The following LCE5A variants were observed in gnomAD, a reference collection of about 807,000 sequenced individuals.
LCE5A encodes late cornified envelope protein 5A.
For synonymous variants in LCE5A, 51 were observed against 54.2 expected, an observed-to-expected ratio of 0.94 and a Z score of 0.26; for missense variants, 139 against 147.2, an observed-to-expected ratio of 0.94 and a Z score of 0.29.
At position 152,511,531 on chromosome 1, in the gene LCE5A, A is replaced by C. The variant is rs534316614; in HGVS notation, c.-4A>C. The C allele has an allele frequency of 6.2e-7, 1 of 1,613,318 alleles. No homozygotes were observed. The highest frequency in any genetic ancestry group is 1.1e-5 in the South Asian group (1 of 91,080). ...TCTTTCAGCTTTATTCAGCTTCTAC[A>C]GAGATGTCCTGCCAGCAGAGCCAGC... On this transcript the variant is annotated 5_prime_UTR_variant, in exon 2 of 2. Coordinates refer to ENST00000334269, the MANE Select transcript of LCE5A (RefSeq NM_178438.5).
In LCE5A at chr1:152,511,656, C is replaced by A; in HGVS notation, c.122C>A (p.Ser41Ter). The change falls in exon 2 of 2, where the codon TCA becomes TAA. Residue 41 changes from serine to a stop codon, truncating the protein, a stop_gained. Transcript: ENST00000334269. LOFTEE classifies it low-confidence loss of function (END_TRUNC). ...CCCCCAAAATGCCCTCCCCAGTGTT[C>A]AGCCCCATGCCCACCTCCAGTCTCT... ...KCPPKCPPQC[S>*]APCPPPVSSC... 6.2e-7 allele frequency: 1 copy of A among 1,614,194 alleles called. No individual in the cohort carries two copies. The highest frequency in any genetic ancestry group is 8.5e-7 in the Non-Finnish European group (1 of 1,180,040).
rs1354275968 is a variant in LCE5A, at chr1:152,510,941, G to C, written c.-79G>C. The C allele has an allele frequency of 2.0e-5, 3 of 152,658 alleles. No homozygotes were observed. Among genetic ancestry groups the C allele is most frequent in the African/African-American group, 7.2e-5 (3 of 41,430 alleles). The allele number at this position is 152,658 out of a possible 1,614,324, so 9.5% of individuals were successfully genotyped here. A position where few individuals can be genotyped will look rare whatever the true frequency, so the allele number is the denominator to read the frequency against. ...GAGGTTGAGGCCATTCTTGAAGAAA[G>C]ACAAGGATAAAGAAGGATTTTGGAG... On this transcript the variant is annotated 5_prime_UTR_variant, in exon 1 of 2. Coordinates refer to ENST00000334269, the MANE Select transcript of LCE5A (RefSeq NM_178438.5).
intron 1 of LCE5A, 114 bp from the exon 2 acceptor site, chr1:152,511,400 A>G (rs1282883181): frequency 2.8e-6 from 2 of 722,802 alleles, no homozygotes; most frequent in East Asian, 2.8e-5. Flanking sequence ...TCCATCCCAA[A>G]TAATAATAAT....
At position 152,511,793 on chromosome 1, in the gene LCE5A, T is replaced by TGCTGTG. The variant is rs1280400881; in HGVS notation, c.262_267dup (p.Cys88_Gly89dup). The TGCTGTG allele has an allele frequency of 5.6e-6, 9 of 1,613,940 alleles. No homozygotes were observed. The highest frequency in any genetic ancestry group is 1.3e-5 in the African/African-American group (1 of 75,036). ...CCGACGCCGACCTCAGAGTTCCAGC[T>TGCTGTG]GCTGTGGCAGTGGCAGTGGCCAGCA... On this transcript the variant is annotated inframe_insertion, in exon 2 of 2. Transcript: ENST00000334269.
In LCE5A at chr1:152,511,962, G is replaced by T; in HGVS notation, c.*71G>T. 19 of 1,412,474 alleles carry T rather than the reference G, an allele frequency of 1.3e-5. No individual in the cohort carries two copies. The highest frequency in any genetic ancestry group is 1.8e-5 in the Non-Finnish European group (19 of 1,043,112). 87.5% of individuals were successfully genotyped at this position (1,412,474 alleles called of 1,614,324 possible). A position where few individuals can be genotyped will look rare whatever the true frequency, so the allele number is the denominator to read the frequency against. On this transcript the variant is annotated 3_prime_UTR_variant, in exon 2 of 2. Transcript: ENST00000334269. Reference sequence around the variant, plus strand: ...GTGCTGAAGATGTGTGTCAGCCTGAGGCTTCTTTTCTCTCATTTCCCATGG... The same window carrying T: ...GTGCTGAAGATGTGTGTCAGCCTGATGCTTCTTTTCTCTCATTTCCCATGG...
chr1:152,511,081 C>A (rs191054418), intron 1 of LCE5A, 83 bp downstream of exon 1: 2 of 155,376 alleles, frequency 1.3e-5, no homozygotes, highest in African/African-American at 4.8e-5. Context: ...AGGTGGAAAT[C>A]ATTTGTATCA....
rs764610793 is a variant in LCE5A, at chr1:152,511,497, C to T, written c.-21-17C>T. 1.3e-6 allele frequency: 2 copies of T among 1,569,042 alleles called. No individual in the cohort carries two copies. The highest frequency in any genetic ancestry group is 3.3e-5 in the Admixed American group (2 of 59,842). ...TTAAGGGCAAGGAAGTGACCTTGGG[C>T]TTGTATTGTCTTTCAGCTTTATTCA... On this transcript the variant is annotated splice_polypyrimidine_tract_variant and intron_variant, in intron 1 of 1. Transcript: ENST00000334269.
chr1:152,511,493 TG>T lies in LCE5A; in HGVS notation c.-21-18del. 6.4e-7 allele frequency: 1 copy of T among 1,554,068 alleles called. No homozygotes were observed. The highest frequency in any genetic ancestry group is 8.9e-7 in the Non-Finnish European group (1 of 1,126,298). On this transcript the variant is annotated intron_variant, in intron 1 of 1. Transcript: ENST00000334269. ...AATTTTAAGGGCAAGGAAGTGACCT[TG>T]GGCTTGTATTGTCTTTCAGCTTTAT...
At position 152,510,924 on chromosome 1, in the gene LCE5A, G is replaced by C. The variant is rs920800977; in HGVS notation, c.-96G>C. On this transcript the variant is annotated 5_prime_UTR_variant, in exon 1 of 2. Transcript: ENST00000334269. ...GAAAGAGCCCCTGGGTGGAGGTTGA[G>C]GCCATTCTTGAAGAAAGACAAGGAT... 6.6e-6 allele frequency: 1 copy of C among 152,646 alleles called. No individual in the cohort carries two copies. The highest frequency in any genetic ancestry group is 2.4e-5 in the African/African-American group (1 of 41,408). The allele number at this position is 152,646 out of a possible 1,614,324, so 9.5% of individuals were successfully genotyped here. A position where few individuals can be genotyped will look rare whatever the true frequency, so the allele number is the denominator to read the frequency against.
Position 152,510,896 on chromosome 1 carries a change from G to A in LCE5A, c.-124G>A, listed in dbSNP as rs1422459357. ...TGAACTCTTGGTGCTGGTGTTTTGG[G>A]CAGAAAGAGCCCCTGGGTGGAGGTT... On this transcript the variant is annotated 5_prime_UTR_variant, in exon 1 of 2. Coordinates refer to ENST00000334269, the MANE Select transcript of LCE5A (RefSeq NM_178438.5). The A allele has an allele frequency of 6.6e-6, 1 of 152,594 alleles. No homozygotes were observed. The highest frequency in any genetic ancestry group is 1.5e-5 in the Non-Finnish European group (1 of 68,412). The allele number at this position is 152,594 out of a possible 1,614,324, so 9.5% of individuals were successfully genotyped here.
In LCE5A at chr1:152,511,567, G is replaced by T. The variant is rs755266515; in HGVS notation, c.33G>T (p.Gln11His). 6 of 1,614,138 alleles carry T rather than the reference G, an allele frequency of 3.7e-6. No individual in the cohort carries two copies. Among genetic ancestry groups the T allele is most frequent in the Non-Finnish European group, 4.2e-6 (5 of 1,180,022 alleles). Residue 11 changes from glutamine (Q) to histidine (H), a missense_variant, in exon 2 of 2, where the codon CAG becomes CAT. By Grantham distance (24) the Gln-to-His change is conservative. Transcript: ENST00000334269. The stretch of plus-strand genomic sequence containing the variant: ...GCCAGCAGAGCCAGCAGCAGTGCCA[G>T]CCTCCTCCCAAATGTACCCCTAAAT... MSCQQSQQQC[Q>H]PPPKCTPKCP... is the part of the protein sequence containing the mutation.
chr1:152,511,483 G>A (rs56406499), intron 1 of LCE5A, 31 bp from the exon 2 acceptor site: 33,379 of 1,463,710 alleles, frequency 0.023, 493 homozygotes, highest in Non-Finnish European at 0.026. Flanking sequence ...TAAGGGCAAG[G>A]AAGTGACCTT....
rs1349658907 is a variant in LCE5A at position 152,511,521 on chromosome 1, C to T, written c.-14C>T. 5 of 1,610,746 alleles carry T rather than the reference C, an allele frequency of 3.1e-6. No individual in the cohort carries two copies. The highest frequency in any genetic ancestry group is 3.3e-5 in the Admixed American group (2 of 59,994). ...GCTTGTATTGTCTTTCAGCTTTATT[C>T]AGCTTCTACAGAGATGTCCTGCCAG... On this transcript the variant is annotated 5_prime_UTR_variant, in exon 2 of 2. Coordinates refer to ENST00000334269, the MANE Select transcript of LCE5A (RefSeq NM_178438.5).
Position 152,510,916 on chromosome 1 carries a change from G to A in LCE5A, c.-104G>A, listed in dbSNP as rs1239700573. ...TTTGGGCAGAAAGAGCCCCTGGGTGGAGGTTGAGGCCATTCTTGAAGAAAG... is the reference window on the plus strand; with the variant it reads ...TTTGGGCAGAAAGAGCCCCTGGGTGAAGGTTGAGGCCATTCTTGAAGAAAG... On this transcript the variant is annotated 5_prime_UTR_variant, in exon 1 of 2. Transcript: ENST00000334269. 6.6e-6 allele frequency: 1 copy of A among 152,614 alleles called. No homozygotes were observed. Among genetic ancestry groups the A allele is most frequent in the Non-Finnish European group, 1.5e-5 (1 of 68,396 alleles). The allele number at this position is 152,614 out of a possible 1,614,324, so 9.5% of individuals were successfully genotyped here.
At position 152,512,173 on chromosome 1, in the gene LCE5A, C is replaced by A; in HGVS notation, c.*282C>A. On this transcript the variant is annotated 3_prime_UTR_variant, in exon 2 of 2. Coordinates refer to ENST00000334269, the MANE Select transcript of LCE5A (RefSeq NM_178438.5). ...CTCTGTAACAATAAAGCTTTTTATT[C>A]CTGATATCACTGCCTCCTGATTTCA... is the stretch of plus-strand genomic sequence containing the variant. 2.3e-6 allele frequency: 1 copy of A among 434,744 alleles called. No homozygotes were observed. The highest frequency in any genetic ancestry group is 4.2e-6 in the Non-Finnish European group (1 of 238,366). 26.9% of individuals were successfully genotyped at this position (434,744 alleles called of 1,614,324 possible).
At position 152,511,841 on chromosome 1, in the gene LCE5A, C is replaced by G; in HGVS notation, c.307C>G (p.His103Asp). ...GCAGTCTGGGGGCTCCAGCTGCTGC[C>G]ACAGCTCTGGGGGCTCTGGCTGCTG... is the stretch of plus-strand genomic sequence containing the variant. The part of the protein sequence containing the change: ...GQQSGGSSCC[H>D]SSGGSGCCHS... The change falls in exon 2 of 2, where the codon CAC (histidine) becomes GAC (aspartate). Residue 103 changes from histidine (H) to aspartate (D), a missense_variant. Physicochemically the swap from His to Asp is moderately conservative, Grantham distance 81 (BLOSUM62 -1). Transcript: ENST00000334269. 3.7e-6 allele frequency: 6 copies of G among 1,613,584 alleles called. No homozygotes were observed. Among genetic ancestry groups the G allele is most frequent in the Non-Finnish European group, 5.1e-6 (6 of 1,179,760 alleles).
chr1:152,511,947 T>A lies in LCE5A; in HGVS notation c.*56T>A, dbSNP rs1008847890. 3 of 1,489,550 alleles carry A rather than the reference T, an allele frequency of 2.0e-6. No homozygotes were observed. Among genetic ancestry groups the A allele is most frequent in the African/African-American group, 2.8e-5 (2 of 71,534 alleles). The allele number at this position is 1,489,550 out of a possible 1,614,324, so 92.3% of individuals were successfully genotyped here. ...ACTGGCAGATCCCAGGTGCTGAAGA[T>A]GTGTGTCAGCCTGAGGCTTCTTTTC... On this transcript the variant is annotated 3_prime_UTR_variant, in exon 2 of 2. Transcript: ENST00000334269.
rs1341275096 is a variant in LCE5A at position 152,511,833 on chromosome 1, G to A, written c.299G>A (p.Ser100Asn). The change falls in exon 2 of 2, where the codon AGC (serine) becomes AAC (asparagine). Residue 100 changes from serine to asparagine, a missense_variant. Transcript: ENST00000334269. ...AGTGGCCAGCAGTCTGGGGGCTCCA[G>A]CTGCTGCCACAGCTCTGGGGGCTCT... ...SGSGQQSGGS[S>N]CCHSSGGSGC... 11 of 1,613,540 alleles carry A rather than the reference G, an allele frequency of 6.8e-6. No homozygotes were observed. The highest frequency in any genetic ancestry group is 5.3e-5 in the African/African-American group (4 of 74,912).
In LCE5A at chr1:152,511,772, C is replaced by T. The variant is rs764516955; in HGVS notation, c.238C>T (p.Arg80Cys). The T allele has an allele frequency of 2.3e-5, 37 of 1,613,954 alleles. No individual in the cohort carries two copies. Among genetic ancestry groups the T allele is most frequent in the Non-Finnish European group, 3.1e-5 (36 of 1,179,862 alleles). Reference protein sequence around the residue: ...SHHRPRQSLRRRPQSSSCCGS... With the variant: ...SHHRPRQSLRCRPQSSSCCGS... ...CCACAGGCCCCGCCAGTCCCTCCGA[C>T]GCCGACCTCAGAGTTCCAGCTGCTG... Residue 80 changes from arginine (R) to cysteine (C), a missense_variant, in exon 2 of 2, where the codon CGC becomes TGC. Coordinates refer to ENST00000334269, the MANE Select transcript of LCE5A (RefSeq NM_178438.5).
Sources: gnomAD v4.1 joint callset for allele counts on GRCh38, gnomAD v4.1.1 for gene constraint, MANE v1.5 for transcripts, NCBI Gene and HGNC (gene_info 2026-07-23, HGNC 2026-07-21) for gene names.